Variants in ASB9 observed in about 807,000 individuals in gnomAD.
ASB9 encodes ankyrin repeat and SOCS box containing 9.
A neutral mutation model predicts 16.6 loss-of-function variants in ASB9; 5 were observed. The observed-to-expected ratio is 0.30, with a 90% CI of 0.16 to 0.63. The LOEUF (loss-of-function observed/expected upper bound fraction) is 0.63, where lower values mean the gene tolerates loss of function less well. ASB9 is among the 30% of genes least tolerant of loss of function. The pLI is 0.82. For missense variants in ASB9, 216 were observed against 229.4 expected (o/e 0.94, Z 0.38); for synonymous variants, 100 against 86.4 (o/e 1.16, Z -0.87).
At chrX:15,253,535 G>A (rs765325792) in intron 3 of ASB9, among the ~76,000 whole-genome samples, 1 of 111,168 alleles carries the variant, frequency 9.0e-6, no homozygotes, top group South Asian at 3.8e-4. Flanking sequence ...AGGAGGCGGA[G>A]GTTGCAGGGA....
At chrX:15,255,258 A>G (rs1038995043) in intron 2 of ASB9, among the ~76,000 whole-genome samples, 3 of 112,039 alleles carry the variant, frequency 2.7e-5, no homozygotes, top group Non-Finnish European at 3.8e-5. Context: ...ATTACACCCA[A>G]CAAATCATAA....
intron 6 of ASB9, among the ~76,000 whole-genome samples, chrX:15,246,858 A>G (rs899939344): frequency 9.0e-6 from 1 of 111,380 alleles, no homozygotes; most frequent in Non-Finnish European, 1.9e-5. Flanking sequence ...GCTGACAGTC[A>G]TTTCTAGGTT....
In ASB9 at chrX:15,254,162, C is replaced by A. The variant is rs557410311; in HGVS notation, c.282+575G>T. ...GACAAGGTTGCTTATGTTCTGAACCCTCTCACCTACTCTACTGTCCTGCCG... is the reference window on the plus strand; with the variant it reads ...GACAAGGTTGCTTATGTTCTGAACCATCTCACCTACTCTACTGTCCTGCCG... On this transcript the variant is annotated intron_variant, in intron 3 of 6. Transcript: ENST00000380488. 1.1e-3 allele frequency among the ~76,000 whole-genome samples: 128 copies of A among 112,157 alleles called. No individual in the cohort carries two copies. In the South Asian group the frequency reaches 0.012, roughly 11 times the overall value.
chrX:15,262,518 C>G (rs1926056099), intron 1 of ASB9, among the ~76,000 whole-genome samples: 1 of 112,633 alleles, frequency 8.9e-6, no homozygotes, highest in African/African-American at 3.2e-5. Flanking sequence ...AAACTAAAAT[C>G]CATCTCAAAT....
At chrX:15,248,674 A>G (rs1924859605) in intron 6 of ASB9, 70 bp downstream of exon 6, 1 of 1,138,306 alleles carries the variant, frequency 8.8e-7, no homozygotes, top group African/African-American at 1.8e-5. Context: ...GAAATTGCCA[A>G]ATACCTGCCT....
At chrX:15,257,689 T>C (rs897282181) in intron 2 of ASB9, among the ~76,000 whole-genome samples, 10 of 111,684 alleles carry the variant, frequency 9.0e-5, no homozygotes, top group Non-Finnish European at 1.5e-4. Context: ...TACTTCACAG[T>C]GTTCAGTCCA....
intron 6 of ASB9, among the ~76,000 whole-genome samples, chrX:15,247,376 T>C (rs1924757888): frequency 9.0e-6 from 1 of 111,706 alleles, no homozygotes; most frequent in Non-Finnish European, 1.9e-5. Context: ...TAGGAATGGC[T>C]TTGGGAAATA....
rs2033108153 is a variant in ASB9 at position 15,248,797 on chromosome X, A to G, written c.707T>C (p.Val236Ala). Residue 236 changes from valine (V) to alanine (A), a missense_variant, in exon 6 of 7, where the codon GTG becomes GCG. Coordinates refer to ENST00000380488, the MANE Select transcript of ASB9 (RefSeq NM_001031739.3). Reference sequence around the variant, plus strand: ...GGGGCTCTCTGGAGGCACCAGCTCCACAGGACGTTTGCCTTCAGCATTCTT... The same window carrying G: ...GGGGCTCTCTGGAGGCACCAGCTCCGCAGGACGTTTGCCTTCAGCATTCTT... ...QAKNAEGKRP[V>A]ELVPPESPLA... 14 of 1,211,883 alleles carry G rather than the reference A, an allele frequency of 1.2e-5. No individual in the cohort carries two copies. The highest frequency in any genetic ancestry group is 1.6e-5 in the Non-Finnish European group (14 of 895,497).
intron 4 of ASB9, among the ~76,000 whole-genome samples, chrX:15,252,042 G>T (rs60580624): frequency 0.033 from 3,652 of 111,658 alleles, 155 homozygotes; most frequent in African/African-American, 0.11. Context: ...AAAATACAGA[G>T]GGCTGAGCCC....
chrX:15,248,398 C>T (rs1258996651), intron 6 of ASB9, among the ~76,000 whole-genome samples: 1 of 112,021 alleles, frequency 8.9e-6, no homozygotes, highest in African/African-American at 3.2e-5. Flanking sequence ...CTTACAACCC[C>T]AAAGAGGACT....
chrX:15,255,624 C>A (rs749823647), intron 2 of ASB9, among the ~76,000 whole-genome samples: 1 of 111,444 alleles, frequency 9.0e-6, no homozygotes, highest in South Asian at 3.8e-4. Flanking sequence ...CAACTGCACA[C>A]GTGTTTAAGT....
At position 15,258,889 on chromosome X, in the gene ASB9, A is replaced by G; in HGVS notation, c.151T>C (p.Ser51Pro). The G allele has an allele frequency of 8.3e-7, 1 of 1,211,104 alleles. No homozygotes were observed. Among genetic ancestry groups the G allele is most frequent in the Admixed American group, 2.2e-5 (1 of 46,059 alleles). The change falls in exon 2 of 7, where the codon TCT becomes CCT. Residue 51 changes from serine to proline, a missense_variant. By Grantham distance (74) the Ser-to-Pro change is moderately conservative. Transcript: ENST00000380488. ...ACCTGGCTGATGAGGTTCCTCAGAG[A>G]CAGCTGATGTCCGTGGATTGCAGCT... ...HEAAIHGHQL[S>P]LRNLISQGWA... is the part of the protein sequence containing the mutation.
At position 15,252,347 on chromosome X, in the gene ASB9, T is replaced by C; in HGVS notation, c.340A>G (p.Ser114Gly). Residue 114 changes from serine (S) to glycine (G), a missense_variant, in exon 4 of 7, where the codon AGC becomes GGC. Ser to Gly is a moderately conservative substitution (Grantham distance 56, BLOSUM62 0). Transcript: ENST00000380488. Reference protein sequence around the residue: ...TPLFNACVSGSWDCVNLLLQH... With the variant: ...TPLFNACVSGGWDCVNLLLQH... ...AGAAGCAAATTCACACAATCCCAGC[T>C]GCCGCTGACACAAGCATTAAACAGT... 8.3e-7 allele frequency: 1 copy of C among 1,211,355 alleles called. No individual in the cohort carries two copies. The highest frequency in any genetic ancestry group is 1.7e-5 in the African/African-American group (1 of 57,789).
intron 2 of ASB9, among the ~76,000 whole-genome samples, chrX:15,257,617 T>G (rs1276364807): frequency 9.0e-6 from 1 of 111,615 alleles, no homozygotes; most frequent in African/African-American, 3.3e-5. Flanking sequence ...TTAAATTAAC[T>G]GTGATTTGTC....
chrX:15,259,157 G>A lies in ASB9; in HGVS notation c.95-212C>T, dbSNP rs369647524. The A allele has an allele frequency of 5.8e-5, 19 of 329,266 alleles. No homozygotes were observed. The East Asian group carries it at 7.0e-4, about 12-fold the overall frequency. The allele number at this position is 329,266 out of a possible 1,213,427, so 27.1% of individuals were successfully genotyped here. Reference sequence around the variant, plus strand: ...TGAAATGTCTGGATAGCTTGGGAAAGAACTACAGCCAGTCCTCAAACTAAG... The same window carrying A: ...TGAAATGTCTGGATAGCTTGGGAAAAAACTACAGCCAGTCCTCAAACTAAG... On this transcript the variant is annotated intron_variant, in intron 1 of 6. Transcript: ENST00000380488.
chrX:15,249,049 C>G (rs1924897769), intron 5 of ASB9, 114 bp from the exon 6 acceptor site: 2 of 747,463 alleles, frequency 2.7e-6, no homozygotes, highest in Non-Finnish European at 3.7e-6. Context: ...ATATTGAGCA[C>G]AGCAATCCTG....
Position 15,254,732 on chromosome X carries a change from C to T in ASB9, c.282+5G>A. On this transcript the variant is annotated splice_donor_5th_base_variant and intron_variant, in intron 3 of 6. Transcript: ENST00000380488. The stretch of plus-strand genomic sequence containing the variant: ...TTTCTAAGATGTTGTTTCAGCTGCC[C>T]TTACCTGAGCTCCATGCTTTAATAA... The T allele has an allele frequency of 8.4e-7, 1 of 1,195,619 alleles. No homozygotes were observed. The highest frequency in any genetic ancestry group is 1.1e-6 in the Non-Finnish European group (1 of 881,209).
chrX:15,254,623 A>G, intron 3 of ASB9, 114 bp downstream of exon 3: 1 of 576,884 alleles, frequency 1.7e-6, no homozygotes, highest in Non-Finnish European at 2.9e-6. Flanking sequence ...TTGAAAAACA[A>G]CTGTCTTCAT....
At chrX:15,265,641 ATT>A (rs34955369) in intron 1 of ASB9, among the ~76,000 whole-genome samples, 17 of 101,655 alleles carry the variant, frequency 1.7e-4, no homozygotes, top group South Asian at 9.2e-4. Flanking sequence ...CATCATCTGC[ATT>A]TTTTTTTTTT....
Sources: gnomAD v4.1 joint callset for allele counts (sites outside exome capture counted in the v4.1 genomes callset) on GRCh38, gnomAD v4.1.1 for gene constraint, MANE v1.5 for transcripts, NCBI Gene and HGNC (gene_info 2026-07-23, HGNC 2026-07-21) for gene names.